FBXL20: variants seen among roughly 807,000 people sequenced by gnomAD.
The protein encoded by FBXL20 is F-box/LRR-repeat protein 20.
In FBXL20, 11 loss-of-function variants were observed where a neutral mutation model predicts 64.0. The ratio of observed to expected loss-of-function variants is 0.17; its 90% CI spans 0.11 to 0.28. FBXL20 has a LOEUF of 0.28. Ranked by LOEUF, FBXL20 falls within the 10% of genes least tolerant of loss-of-function variation. The pLI, the probability that FBXL20 is intolerant of heterozygous loss-of-function variation, is 1.00. For synonymous variants in FBXL20, 184 were observed against 189.0 expected (o/e 0.97, Z 0.22); for missense variants, 303 against 526.2 (o/e 0.58, Z 4.15).
In FBXL20 at chr17:39,299,049, C is replaced by T. The variant is rs542198565; in HGVS notation, c.270G>A (p.Gly90=). 6.2e-7 allele frequency: 1 copy of T among 1,613,784 alleles called. No individual in the cohort carries two copies. The highest frequency in any genetic ancestry group is 1.3e-5 in the African/African-American group (1 of 74,994). The change falls in exon 5 of 15, where the codon GGG becomes GGA. Residue 90 remains glycine (G), a synonymous_variant. Transcript: ENST00000264658. The stretch of plus-strand genomic sequence containing the variant: ...GAAGACTTAACTTTCGTAAAAAGCC[C>T]CCACATCGTTTTGAAATATTCTCCA... ...RVVENISKRC[G]GFLRKLSLRG...
At chr17:39,332,017 C>T (rs1485420884) in intron 2 of FBXL20, among the ~76,000 whole-genome samples, 15 of 152,168 alleles carry the variant, frequency 9.9e-5, no homozygotes, top group Admixed American at 9.8e-4. Context: ...ATAGCATTTA[C>T]TATGTGCCGA....
intron 2 of FBXL20, among the ~76,000 whole-genome samples, chr17:39,326,182 T>C (rs1024876704): frequency 6.6e-6 from 1 of 151,878 alleles, no homozygotes; most frequent in Admixed American, 6.6e-5. Flanking sequence ...GTTTCTGGTA[T>C]AGGCTGCAGA....
chr17:39,311,862 C>A (rs577441513), intron 2 of FBXL20, among the ~76,000 whole-genome samples: 1 of 152,082 alleles, frequency 6.6e-6, no homozygotes, highest in South Asian at 2.1e-4. Flanking sequence ...ACTTTAGTAA[C>A]CTTTCAAGAG....
At chr17:39,367,423 T>C (rs2047872009) in intron 1 of FBXL20, among the ~76,000 whole-genome samples, 1 of 150,740 alleles carries the variant, frequency 6.6e-6, no homozygotes, top group Non-Finnish European at 1.5e-5. Flanking sequence ...TTCAAGTGAT[T>C]CTCCTGCCTC....
chr17:39,285,623 A>G (rs2046982234), intron 6 of FBXL20, 50 bp from the exon 7 acceptor site: 1 of 1,208,098 alleles, frequency 8.3e-7, no homozygotes, highest in Non-Finnish European at 1.2e-6. Context: ...ACAAGTACAC[A>G]TCCTTGGTAT....
chr17:39,402,268 C>T (rs771389334), upstream of FBXL20: 1 of 1,068,402 alleles, frequency 9.4e-7, no homozygotes, highest in South Asian at 5.2e-5. Flanking sequence ...GCGGCTGCCG[C>T]CGCGCCTCCG....
At chr17:39,315,829 CAGAGAGAGAGAGAG>C (rs141728220) in intron 2 of FBXL20, among the ~76,000 whole-genome samples, 4,703 of 129,780 alleles carry the variant, frequency 0.036, 250 homozygotes, top group African/African-American at 0.12. Flanking sequence ...GAGAGAGAGA[CAGAGAGAGAGAGAG>C]AGAGAGAGAG....
chr17:39,299,054 A>G lies in FBXL20; in HGVS notation c.265T>C (p.Cys89Arg), dbSNP rs1353925955. Residue 89 changes from cysteine to arginine, a missense_variant, in exon 5 of 15, where the codon TGT (cysteine) becomes CGT (arginine). Physicochemically the swap from Cys to Arg is radical, Grantham distance 180. Coordinates refer to ENST00000264658, the MANE Select transcript of FBXL20 (RefSeq NM_032875.3). ...CTTAACTTTCGTAAAAAGCCCCCAC[A>G]TCGTTTTGAAATATTCTCCACTACT... ...GRVVENISKRCGGFLRKLSLR... is the reference protein window; with the variant it reads ...GRVVENISKRRGGFLRKLSLR... 6.2e-7 allele frequency: 1 copy of G among 1,613,780 alleles called. No homozygotes were observed. Among genetic ancestry groups the G allele is most frequent in the African/African-American group, 1.3e-5 (1 of 74,940 alleles).
At chr17:39,361,690 G>A (rs928567336) in intron 1 of FBXL20, among the ~76,000 whole-genome samples, 5 of 151,886 alleles carry the variant, frequency 3.3e-5, no homozygotes, top group Non-Finnish European at 5.9e-5. Context: ...CCAGCTACTC[G>A]GGAGGCTGAG....
Position 39,401,550 on chromosome 17 carries a change from G to A in FBXL20, c.-148C>T. On this transcript the variant is annotated 5_prime_UTR_variant, in exon 1 of 15. Transcript: ENST00000264658. The stretch of plus-strand genomic sequence containing the variant: ...GTGGGACGGGAACAAGAGACCTCTC[G>A]GCTCCGGCTAGGCCTCCACCACCTC... 2 of 1,429,818 alleles carry A rather than the reference G, an allele frequency of 1.4e-6. No individual in the cohort carries two copies. The highest frequency in any genetic ancestry group is 1.5e-5 in the African/African-American group (1 of 66,804). 88.6% of individuals were successfully genotyped at this position (1,429,818 alleles called of 1,614,324 possible).
At position 39,257,247 on chromosome 17, in the gene FBXL20, A is replaced by C. The variant is rs2046704281; in HGVS notation, c.*4213T>G. On this transcript the variant is annotated 3_prime_UTR_variant, in exon 15 of 15. Transcript: ENST00000264658. ...TCCACCCACCGTGCCGGGCCATAACAATGCATTTTACAAGGCAATTAGAAG... is the reference window on the plus strand; with the variant it reads ...TCCACCCACCGTGCCGGGCCATAACCATGCATTTTACAAGGCAATTAGAAG... The C allele has an allele frequency of 6.6e-6, 1 of 152,152 alleles. No homozygotes were observed. The highest frequency in any genetic ancestry group is 1.5e-5 in the Non-Finnish European group (1 of 68,030). The allele number at this position is 152,152 out of a possible 1,614,324, so 9.4% of individuals were successfully genotyped here.
intron 2 of FBXL20, among the ~76,000 whole-genome samples, chr17:39,319,204 G>A (rs1444314609): frequency 6.6e-6 from 1 of 150,978 alleles, no homozygotes; most frequent in Non-Finnish European, 1.5e-5. Flanking sequence ...AGTTGAGATC[G>A]CATCACTGCA....
At chr17:39,337,104 G>A (rs1442457006) in intron 2 of FBXL20, among the ~76,000 whole-genome samples, 1 of 152,076 alleles carries the variant, frequency 6.6e-6, no homozygotes, top group Non-Finnish European at 1.5e-5. Flanking sequence ...TCCTGCCTCA[G>A]CCTGCCGAGT....
chr17:39,294,156 T>TA (rs1270209024), intron 6 of FBXL20, among the ~76,000 whole-genome samples: 1 of 151,762 alleles, frequency 6.6e-6, no homozygotes, highest in Non-Finnish European at 1.5e-5. Context: ...TTTTTTTTTT[T>TA]AAGACATAGG....
upstream of FBXL20, chr17:39,402,025 C>T: frequency 1.5e-6 from 1 of 663,260 alleles, no homozygotes; most frequent in Non-Finnish European, 2.1e-6. Flanking sequence ...TCCCCCTCTC[C>T]TCCCTCCGCG....
intron 1 of FBXL20, among the ~76,000 whole-genome samples, chr17:39,394,958 C>A (rs896287697): frequency 1.3e-5 from 2 of 151,894 alleles, no homozygotes; most frequent in Non-Finnish European, 2.9e-5. Flanking sequence ...AGATCCTTGG[C>A]CTGTAAGAAA....
At chr17:39,396,231 A>C (rs1194237696) in intron 1 of FBXL20, among the ~76,000 whole-genome samples, 3 of 152,102 alleles carry the variant, frequency 2.0e-5, no homozygotes, top group African/African-American at 7.2e-5. Flanking sequence ...TTCTAGAAAA[A>C]AGGTACCTTA....
At chr17:39,353,599 C>CTTATTTAT (rs376084578) in intron 1 of FBXL20, among the ~76,000 whole-genome samples, 22,113 of 140,198 alleles carry the variant, frequency 0.16, 2,074 homozygotes, top group Non-Finnish European at 0.18. Flanking sequence ...ACCACTACAC[C>CTTATTTAT]TTATTTATTT....
At chr17:39,298,511 G>A (rs1356070290) in intron 5 of FBXL20, among the ~76,000 whole-genome samples, 1 of 152,126 alleles carries the variant, frequency 6.6e-6, no homozygotes, top group African/African-American at 2.4e-5. Flanking sequence ...TTGAGTGCAA[G>A]AGTTCGAGAC....
Sources: gnomAD v4.1 joint callset for allele counts (sites outside exome capture counted in the v4.1 genomes callset) on GRCh38, gnomAD v4.1.1 for gene constraint, MANE v1.5 for transcripts, NCBI Gene and HGNC (gene_info 2026-07-23, HGNC 2026-07-21) for gene names.